Variants in PARP9 observed in about 807,000 individuals in gnomAD.
The protein encoded by PARP9 is poly(ADP-ribose) polymerase family member 9, also known as protein mono-ADP-ribosyltransferase PARP9.
A neutral mutation model predicts 68.8 loss-of-function variants in PARP9; 48 were observed. The observed-to-expected ratio is 0.70, with a 90% CI of 0.55 to 0.89. PARP9 has a LOEUF of 0.89. Among genes scored for constraint, PARP9 ranks in the 40% least tolerant of loss-of-function variants. The pLI is 0.00. For missense variants in PARP9, 806 were observed against 969.3 expected (o/e 0.83, Z 2.24); for synonymous variants, 309 against 333.8 (o/e 0.93, Z 0.81).
chr3:122,537,096 C>CT, intron 8 of PARP9, 23 bp from the exon 9 acceptor site: 1 of 1,586,662 alleles, frequency 6.3e-7, no homozygotes, highest in Non-Finnish European at 8.5e-7. Flanking sequence ...AACACAAAAA[C>CT]TTTACTTCAA....
intron 8 of PARP9, among the ~76,000 whole-genome samples, chr3:122,539,560 T>TTTCTTTCTTTCTTTCC (rs2078000254): frequency 9.9e-6 from 1 of 101,396 alleles, no homozygotes; most frequent in Non-Finnish European, 2.3e-5. Context: ...TCTTTCTTTC[T>TTTCTTTCTTTCTTTCC]TTCTTTCTTT....
chr3:122,559,819 T>C (rs2080033268), intron 1 of PARP9, 110 bp from the exon 2 acceptor site: 1 of 445,420 alleles, frequency 2.2e-6, no homozygotes, highest in Non-Finnish European at 4.0e-6. Context: ...GATGAGTTCT[T>C]AATTTCCTTG....
At chr3:122,541,130 T>A (rs2078196749) in intron 7 of PARP9, among the ~76,000 whole-genome samples, 1 of 152,184 alleles carries the variant, frequency 6.6e-6, no homozygotes, top group African/African-American at 2.4e-5. Context: ...GACCTCGTGA[T>A]CTGCCTGCCT....
At chr3:122,560,352 T>C (rs2080088715) in intron 1 of PARP9, among the ~76,000 whole-genome samples, 1 of 152,166 alleles carries the variant, frequency 6.6e-6, no homozygotes, top group Non-Finnish European at 1.5e-5. Flanking sequence ...CTTGTTGCTA[T>C]ATTTAGGCCT....
intron 10 of PARP9, 193 bp downstream of exon 10, chr3:122,535,975 G>A (rs1398029235): frequency 6.8e-7 from 1 of 1,467,318 alleles, no homozygotes; most frequent in African/African-American, 1.4e-5. Context: ...AGCAACAAAA[G>A]ATACGAAGGA....
chr3:122,530,527 T>C (rs1038025961), intron 10 of PARP9, among the ~76,000 whole-genome samples: 4 of 152,190 alleles, frequency 2.6e-5, no homozygotes, highest in African/African-American at 9.6e-5. Flanking sequence ...TTATCTTCTT[T>C]GGGGTATTAA....
chr3:122,550,764 G>A lies in PARP9; in HGVS notation c.1146C>T (p.Cys382=). ...KHAMKECLEK[C]IEQNITSISF... Reference sequence around the variant, plus strand: ...AAATGGAAGTTATATTTTGCTCAATGCATTTTTCCAAACACTCCTTCATTG... The same window carrying A: ...AAATGGAAGTTATATTTTGCTCAATACATTTTTCCAAACACTCCTTCATTG... Residue 382 remains cysteine (C), a synonymous_variant, in exon 6 of 11, where the codon TGC becomes TGT. Transcript: ENST00000682323. 1 of 1,614,038 alleles carries A rather than the reference G, an allele frequency of 6.2e-7. No homozygotes were observed. Among genetic ancestry groups the A allele is most frequent in the Non-Finnish European group, 8.5e-7 (1 of 1,179,970 alleles).
intron 1 of PARP9, among the ~76,000 whole-genome samples, chr3:122,559,998 G>A (rs768314096): frequency 2.6e-4 from 39 of 152,198 alleles, no homozygotes; most frequent in Non-Finnish European, 4.1e-4. Context: ...TGGTCATGAA[G>A]GATGCAGGAG....
At chr3:122,558,282 C>T (rs1290231736) in intron 3 of PARP9, 152 bp downstream of exon 3, 9 of 1,592,528 alleles carry the variant, frequency 5.7e-6, no homozygotes, top group Non-Finnish European at 7.7e-6. Flanking sequence ...GCCACACCAA[C>T]TCTGAAGCAT....
chr3:122,539,438 G>A (rs927536263), intron 8 of PARP9, among the ~76,000 whole-genome samples: 1 of 152,168 alleles, frequency 6.6e-6, no homozygotes, highest in Admixed American at 6.5e-5. Context: ...TGCTTGGCAC[G>A]TCATGGGTGC....
intron 6 of PARP9, 141 bp from the exon 7 acceptor site, chr3:122,545,630 T>C (rs2078644064): frequency 2.7e-6 from 2 of 744,078 alleles, no homozygotes. Flanking sequence ...TAAAGCAGCC[T>C]TTAGGAAAGT....
intron 6 of PARP9, among the ~76,000 whole-genome samples, chr3:122,547,286 G>A (rs2078834356): frequency 6.6e-6 from 1 of 150,432 alleles, no homozygotes; most frequent in African/African-American, 2.4e-5. Flanking sequence ...GTAGAGCTGG[G>A]GTTTCACCAT....
intron 10 of PARP9, 72 bp from the exon 11 acceptor site, chr3:122,528,815 T>C (rs909770310): frequency 3.1e-5 from 41 of 1,332,124 alleles, no homozygotes; most frequent in Non-Finnish European, 4.0e-5. Flanking sequence ...TGGGTACTAA[T>C]ATCTATTCTT....
rs1173474321 is a variant in PARP9 at position 122,537,087 on chromosome 3, A to G, written c.1766-14T>C. The G allele has an allele frequency of 3.1e-6, 5 of 1,592,280 alleles. No individual in the cohort carries two copies. In the East Asian group the frequency reaches 1.1e-4, roughly 36 times the overall value. Reference sequence around the variant, plus strand: ...TAGTCCACTGTCCTAAAAATGAGTAACACAAAAACTTTACTTCAATGCTCT... The same window carrying G: ...TAGTCCACTGTCCTAAAAATGAGTAGCACAAAAACTTTACTTCAATGCTCT... On this transcript the variant is annotated splice_polypyrimidine_tract_variant and intron_variant, in intron 8 of 10. Coordinates refer to ENST00000682323, the MANE Select transcript of PARP9 (RefSeq NM_001146105.2).
chr3:122,552,887 C>T (rs2079327298), intron 4 of PARP9, among the ~76,000 whole-genome samples: 1 of 151,996 alleles, frequency 6.6e-6, no homozygotes, highest in Admixed American at 6.6e-5. Flanking sequence ...TCATTGCAAA[C>T]ATCTGTTTGC....
chr3:122,558,425 T>G lies in PARP9; in HGVS notation c.49+9A>C. The G allele has an allele frequency of 6.2e-7, 1 of 1,614,066 alleles. No homozygotes were observed. The highest frequency in any genetic ancestry group is 1.6e-4 in the Middle Eastern group (1 of 6,062). Reference sequence around the variant, plus strand: ...TTCTGAAACAAGAGTGAGAGCGAGGTAATCCTACCTGATTTTTCATTGTAA... The same window carrying G: ...TTCTGAAACAAGAGTGAGAGCGAGGGAATCCTACCTGATTTTTCATTGTAA... On this transcript the variant is annotated intron_variant, in intron 3 of 10. Transcript: ENST00000682323.
rs149670899 is a variant in PARP9, at chr3:122,528,578, A to G, written c.2246T>C (p.Leu749Pro). 5.0e-6 allele frequency: 8 copies of G among 1,614,020 alleles called. No homozygotes were observed. The African/African-American group carries it at 1.1e-4, about 22-fold the overall frequency. Residue 749 changes from leucine to proline, a missense_variant, in exon 11 of 11, where the codon CTG (leucine) becomes CCG (proline). Transcript: ENST00000682323. ...GHPLNIVPPP[L>P]SPGAIDGHDS... The stretch of plus-strand genomic sequence containing the variant: ...ATGACCATCTATAGCTCCAGGACTC[A>G]GTGGTGGGGGAACAATATTTAACGG...
intron 3 of PARP9, 78 bp downstream of exon 3, chr3:122,558,356 C>T (rs1435090047): frequency 6.2e-7 from 1 of 1,614,024 alleles, no homozygotes; most frequent in East Asian, 2.2e-5. Context: ...AGACATTCTT[C>T]TGTATTCCCC....
intron 10 of PARP9, chr3:122,534,737 G>A (rs370013137): frequency 9.9e-5 from 22 of 221,148 alleles, no homozygotes; most frequent in African/African-American, 3.3e-4. Flanking sequence ...TTAACTGCAC[G>A]TGGTGGCACA....
Sources: allele counts gnomAD v4.1 joint callset (sites outside exome capture counted in the v4.1 genomes callset), GRCh38; gene constraint gnomAD v4.1.1; transcripts MANE v1.5; gene names NCBI Gene and HGNC (gene_info 2026-07-23, HGNC 2026-07-21).